TMEFF1: variants seen among roughly 807,000 people sequenced by gnomAD.
TMEFF1 encodes the protein transmembrane protein with EGF like and two follistatin like domains 1, also known as tomoregulin-1.
A neutral mutation model predicts 47.5 loss-of-function variants in TMEFF1; 20 were observed. The observed-to-expected ratio is 0.42, with a 90% CI of 0.30 to 0.61. The LOEUF (loss-of-function observed/expected upper bound fraction) is 0.61. TMEFF1 is among the 20% of genes least tolerant of loss of function. TMEFF1 has a pLI of 0.19. For synonymous variants in TMEFF1, 162 were observed against 166.3 expected (o/e 0.97, Z 0.20); for missense variants, 411 against 471.1 (o/e 0.87, Z 1.18).
intron 5 of TMEFF1, among the ~76,000 whole-genome samples, chr9:100,546,634 T>C (rs886869598): frequency 2.0e-5 from 3 of 152,240 alleles, no homozygotes; most frequent in African/African-American, 7.2e-5. Flanking sequence ...GCCTGTGTAC[T>C]TATAACTTCT....
At chr9:100,502,587 C>T (rs1412874206) in intron 2 of TMEFF1, among the ~76,000 whole-genome samples, 1 of 152,130 alleles carries the variant, frequency 6.6e-6, no homozygotes, top group Non-Finnish European at 1.5e-5. Context: ...GTCTTGAACT[C>T]CTGGGCTCAA....
chr9:100,553,682 G>C (rs1213121687), intron 7 of TMEFF1, among the ~76,000 whole-genome samples: 1 of 152,174 alleles, frequency 6.6e-6, no homozygotes, highest in African/African-American at 2.4e-5. Context: ...TGAGTTGTAT[G>C]GGAGATGGGT....
In TMEFF1 at chr9:100,545,543, A is replaced by C. The variant is rs370082068; in HGVS notation, c.561-2201A>C. ...TCCTCCTACAATGGGAGGGGCTGCC[A>C]TGAAGACCTCTGACATGCCCTGGAG... On this transcript the variant is annotated intron_variant, in intron 5 of 9. Coordinates refer to ENST00000374879, the MANE Select transcript of TMEFF1 (RefSeq NM_003692.5). Among the ~76,000 whole-genome samples the C allele has an allele frequency of 4.3e-4, 66 of 152,324 alleles. 2 individuals carry two copies. The South Asian group carries it at 0.014, about 32-fold the overall frequency.
chr9:100,519,172 C>G (rs998592938), intron 5 of TMEFF1, among the ~76,000 whole-genome samples: 4 of 152,060 alleles, frequency 2.6e-5, no homozygotes, highest in African/African-American at 9.7e-5. Context: ...TCAATCTCAG[C>G]ACTTTGGCGG....
At chr9:100,531,243 T>G (rs1289549605) in intron 5 of TMEFF1, among the ~76,000 whole-genome samples, 1 of 152,020 alleles carries the variant, frequency 6.6e-6, no homozygotes, top group Non-Finnish European at 1.5e-5. Flanking sequence ...CCAGGGCAAT[T>G]AGGCAGGAGA....
chr9:100,535,546 G>GAAT (rs1838486713), intron 5 of TMEFF1, among the ~76,000 whole-genome samples: 1 of 152,214 alleles, frequency 6.6e-6, no homozygotes, highest in Admixed American at 6.5e-5. Flanking sequence ...CGAGGTGGGG[G>GAAT]AATCACTTGG....
chr9:100,524,773 C>T (rs1352250018), intron 5 of TMEFF1, among the ~76,000 whole-genome samples: 1 of 152,028 alleles, frequency 6.6e-6, no homozygotes, highest in African/African-American at 2.4e-5. Context: ...ACTTTAAGTT[C>T]TGGGGCACAT....
intron 5 of TMEFF1, among the ~76,000 whole-genome samples, chr9:100,523,302 C>T (rs1838199458): frequency 6.6e-6 from 1 of 152,178 alleles, no homozygotes; most frequent in Admixed American, 6.5e-5. Context: ...TATAAGCCTA[C>T]CTTGCGTTCT....
intron 5 of TMEFF1, among the ~76,000 whole-genome samples, chr9:100,544,601 T>C: frequency 6.6e-6 from 1 of 152,182 alleles, no homozygotes; most frequent in East Asian, 1.9e-4. Flanking sequence ...TTCCCCTGCT[T>C]GCCCCTCCCA....
intron 5 of TMEFF1, among the ~76,000 whole-genome samples, chr9:100,541,097 T>G (rs1273315633): frequency 6.6e-6 from 1 of 152,146 alleles, no homozygotes; most frequent in Non-Finnish European, 1.5e-5. Context: ...ACTTTCACAT[T>G]TAGGTCTTCA....
At position 100,565,960 on chromosome 9, in the gene TMEFF1, C is replaced by T. The variant is rs555803664; in HGVS notation, c.899+4440C>T. On this transcript the variant is annotated intron_variant, in intron 8 of 9. Coordinates refer to ENST00000374879, the MANE Select transcript of TMEFF1 (RefSeq NM_003692.5). ...TGAACTCACCCCAACAAACTTTTGT[C>T]CCTAACACTCCACTGAGACTGTTCT... Among the ~76,000 whole-genome samples the T allele has an allele frequency of 1.3e-5, 2 of 152,268 alleles. 1 individual carries two copies. Among genetic ancestry groups the T allele is most frequent in the African/African-American group, 4.8e-5 (2 of 41,554 alleles).
At chr9:100,527,981 A>G (rs917612596) in intron 5 of TMEFF1, among the ~76,000 whole-genome samples, 1 of 152,112 alleles carries the variant, frequency 6.6e-6, no homozygotes, top group Non-Finnish European at 1.5e-5. Flanking sequence ...GCAGGGGCAC[A>G]CTGACACCTC....
At chr9:100,500,160 T>C (rs954676186) in intron 2 of TMEFF1, among the ~76,000 whole-genome samples, 1 of 152,174 alleles carries the variant, frequency 6.6e-6, no homozygotes, top group Non-Finnish European at 1.5e-5. Context: ...TTGAACTGTT[T>C]TCCCCCTGAA....
chr9:100,576,736 A>T lies in TMEFF1; in HGVS notation c.*136A>T, dbSNP rs1839360647. 1 of 1,066,994 alleles carries T rather than the reference A, an allele frequency of 9.4e-7. No homozygotes were observed. The highest frequency in any genetic ancestry group is 1.3e-6 in the Non-Finnish European group (1 of 755,330). The allele number at this position is 1,066,994 out of a possible 1,614,324, so 66.1% of individuals were successfully genotyped here. Reference sequence around the variant, plus strand: ...AGTACTGTTGGCTCGTATTTAGAATATTCAGCTACGACAGTTTTGGACTGT... The same window carrying T: ...AGTACTGTTGGCTCGTATTTAGAATTTTCAGCTACGACAGTTTTGGACTGT... On this transcript the variant is annotated 3_prime_UTR_variant, in exon 10 of 10. Coordinates refer to ENST00000374879, the MANE Select transcript of TMEFF1 (RefSeq NM_003692.5).
intron 5 of TMEFF1, among the ~76,000 whole-genome samples, chr9:100,536,206 T>C (rs1226947918): frequency 6.6e-6 from 1 of 152,208 alleles, no homozygotes; most frequent in Non-Finnish European, 1.5e-5. Context: ...CAAGACCCTA[T>C]TGAGAGAATC....
At chr9:100,498,691 A>T in intron 1 of TMEFF1, 74 bp from the exon 2 acceptor site, 1 of 1,402,628 alleles carries the variant, frequency 7.1e-7, no homozygotes, top group Middle Eastern at 1.8e-4. Flanking sequence ...TCATACACAC[A>T]CACACACGCG....
At chr9:100,478,029 T>G (rs1587809903) in intron 1 of TMEFF1, among the ~76,000 whole-genome samples, 1 of 152,210 alleles carries the variant, frequency 6.6e-6, no homozygotes, top group East Asian at 1.9e-4. Context: ...TTTGTGGTAG[T>G]TTTTAAGGCA....
chr9:100,537,836 CT>C (rs1838549665), intron 5 of TMEFF1, among the ~76,000 whole-genome samples: 2 of 152,048 alleles, frequency 1.3e-5, no homozygotes, highest in African/African-American at 2.4e-5. Context: ...ACTTTATTTT[CT>C]TTGGTTCTTT....
intron 1 of TMEFF1, among the ~76,000 whole-genome samples, chr9:100,479,655 A>G (rs1027813248): frequency 5.3e-5 from 8 of 152,180 alleles, no homozygotes; most frequent in African/African-American, 1.9e-4. Context: ...TTCCCTTAGC[A>G]TAATGTTTTC....
Sources: gnomAD v4.1 joint callset for allele counts (sites outside exome capture counted in the v4.1 genomes callset) on GRCh38, gnomAD v4.1.1 for gene constraint, MANE v1.5 for transcripts, NCBI Gene and HGNC (gene_info 2026-07-23, HGNC 2026-07-21) for gene names.